The following ZNF324B variants were observed in gnomAD, a reference collection of about 807,000 sequenced individuals.
ZNF324B encodes zinc finger protein 324B.
Under a neutral mutation model 10.6 loss-of-function variants are expected in ZNF324B, and 7 were observed. The observed-to-expected ratio is 0.66, with a 90% CI of 0.38 to 1.24. ZNF324B has a LOEUF of 1.24. ZNF324B is among the 50% of genes most tolerant of loss of function. ZNF324B has a pLI of 0.02. For synonymous variants in ZNF324B, 316 were observed against 321.0 expected (o/e 0.98, Z 0.17); for missense variants, 640 against 764.7 (o/e 0.84, Z 1.92).
At chr19:58,438,212 C>G in the ZNF324B span, among the ~76,000 whole-genome samples, 2 of 152,090 alleles carry the variant, frequency 1.3e-5, no homozygotes, top group Non-Finnish European at 2.9e-5. Flanking sequence ...TAGACCTACT[C>G]TCTGCTCAGG....
the ZNF324B span, chr19:58,432,209 C>G: frequency 0.19 from 82,556 of 443,836 alleles, 8,280 homozygotes; most frequent in Non-Finnish European, 0.21. Flanking sequence ...TATCACTTCT[C>G]TCAGCTCCCA....
At chr19:58,439,758 C>A in the ZNF324B span, 2 of 1,538,100 alleles carry the variant, frequency 1.3e-6, no homozygotes, top group Admixed American at 4.2e-5. Flanking sequence ...ACTCCACTTA[C>A]CTGCGCCGGG....
At chr19:58,427,460 T>TC in the ZNF324B span, among the ~76,000 whole-genome samples, 4 of 90,952 alleles carry the variant, frequency 4.4e-5, no homozygotes, top group Admixed American at 1.1e-4. Context: ...TTCCCTTCCT[T>TC]CCTTCCTTCC....
upstream of ZNF324B, among the ~76,000 whole-genome samples, chr19:58,447,860 C>T (rs910330265): frequency 6.6e-6 from 1 of 152,168 alleles, no homozygotes; most frequent in Non-Finnish European, 1.5e-5. Context: ...ACACTGTTCT[C>T]GTGGTAGTGA....
the ZNF324B span, among the ~76,000 whole-genome samples, chr19:58,422,409 C>G: frequency 2.0e-5 from 3 of 152,180 alleles, no homozygotes; most frequent in Non-Finnish European, 4.4e-5. Context: ...TACTAGATGT[C>G]CTAGCCAGGC....
At chr19:58,446,363 C>T in the ZNF324B span, among the ~76,000 whole-genome samples, 2 of 152,108 alleles carry the variant, frequency 1.3e-5, no homozygotes, top group Non-Finnish European at 1.5e-5. Flanking sequence ...GCTATCACAC[C>T]ACTGGGTCCT....
the ZNF324B span, chr19:58,441,124 C>G: frequency 6.6e-6 from 1 of 152,266 alleles, no homozygotes; most frequent in Non-Finnish European, 1.5e-5. Context: ...CTCTCATGCC[C>G]CCTTGGCAGC....
At chr19:58,450,631 T>G (rs1250747701), upstream of ZNF324B, among the ~76,000 whole-genome samples, 1 of 152,190 alleles carries the variant, frequency 6.6e-6, no homozygotes, top group Non-Finnish European at 1.5e-5. Flanking sequence ...ACTATAGGGA[T>G]CTACAAGTAG....
the ZNF324B span, chr19:58,439,819 C>T: frequency 1.3e-6 from 2 of 1,543,890 alleles, no homozygotes; most frequent in Non-Finnish European, 1.7e-6. Flanking sequence ...TGGGCAGGGC[C>T]ATAACAGGAG....
At chr19:58,448,139 G>A (rs774502512), upstream of ZNF324B, among the ~76,000 whole-genome samples, 15 of 152,228 alleles carry the variant, frequency 9.9e-5, no homozygotes, top group Non-Finnish European at 1.9e-4. Context: ...CGAAAATGTG[G>A]AGGCAACTTT....
the ZNF324B span, chr19:58,437,578 C>T: frequency 1.5e-6 from 1 of 645,598 alleles, no homozygotes; most frequent in Non-Finnish European, 1.9e-6. Flanking sequence ...CTTTCTTAAG[C>T]CTCTTGTACC....
the ZNF324B span, chr19:58,437,853 C>A: frequency 1.1e-6 from 1 of 944,250 alleles, no homozygotes. Flanking sequence ...CTTCAACCAT[C>A]AGCTGCCCAG....
At chr19:58,423,542 AT>A in the ZNF324B span, among the ~76,000 whole-genome samples, 1 of 152,194 alleles carries the variant, frequency 6.6e-6, no homozygotes. Flanking sequence ...TATCAAATGC[AT>A]TTTTTCCCCA....
chr19:58,424,182 G>A, the ZNF324B span, among the ~76,000 whole-genome samples: 1 of 152,146 alleles, frequency 6.6e-6, no homozygotes, highest in Non-Finnish European at 1.5e-5. Context: ...CCAGGAGGCG[G>A]AGGTTGCAGT....
chr19:58,451,086 C>A (rs1392820875), upstream of ZNF324B, among the ~76,000 whole-genome samples: 2 of 152,294 alleles, frequency 1.3e-5, no homozygotes, highest in South Asian at 2.1e-4. Context: ...GCTGAGAATT[C>A]TTGGTGTAGA....
chr19:58,455,022 T>C lies in ZNF324B; in HGVS notation c.239-161T>C, dbSNP rs1425347408. 1 of 968,270 alleles carries C rather than the reference T, an allele frequency of 1.0e-6. No homozygotes were observed. Among genetic ancestry groups the C allele is most frequent in the Non-Finnish European group, 1.6e-6 (1 of 616,960 alleles). 60.0% of individuals were successfully genotyped at this position (968,270 alleles called of 1,614,324 possible). ...GTGCCACACCTGTCAGGGCAGATGC[T>C]TCCTCCAAACCCCAGCCCCTCCTGC... On this transcript the variant is annotated intron_variant, in intron 3 of 3. Transcript: ENST00000336614. The surrounding 1 kb of genome is among the most constrained non-coding windows in gnomAD (Gnocchi z 7.0).
intron 3 of ZNF324B, 71 bp downstream of exon 3, chr19:58,454,415 C>G: frequency 1.0e-6 from 1 of 979,986 alleles, no homozygotes; most frequent in Admixed American, 1.7e-5. Context: ...GCTTTTCTGA[C>G]TCTGGAAACA....
At chr19:58,437,014 G>A in the ZNF324B span, 2 of 1,613,982 alleles carry the variant, frequency 1.2e-6, no homozygotes, top group East Asian at 2.2e-5. Flanking sequence ...CAAGGCATAA[G>A]GTAGTCATCA....
chr19:58,436,422 T>C, the ZNF324B span: 1 of 155,760 alleles, frequency 6.4e-6, no homozygotes, highest in Non-Finnish European at 1.4e-5. Context: ...ATCCCAGCAC[T>C]TTGGGAGGCT....
Sources: allele counts gnomAD v4.1 joint callset (sites outside exome capture counted in the v4.1 genomes callset), GRCh38; gene constraint gnomAD v4.1.1; non-coding constraint Gnocchi (gnomAD v3.1); transcripts MANE v1.5; gene names NCBI Gene and HGNC (gene_info 2026-07-23, HGNC 2026-07-21).